The following NUDT7 variants were observed in gnomAD, a reference collection of about 807,000 sequenced individuals.
The protein encoded by NUDT7 is nudix hydrolase 7.
NUDT7 carries 19 observed loss-of-function variants against 13.1 expected under a neutral mutation model. The observed-to-expected ratio is 1.45, with a 90% confidence interval of 1.01 to 2.13. The LOEUF is 2.13. Ranked by LOEUF, NUDT7 falls within the 30% of genes most tolerant of loss-of-function variation. The pLI, the probability that NUDT7 is intolerant of heterozygous loss-of-function variation, is 0.00. For missense variants in NUDT7, 360 were observed against 291.7 expected (o/e 1.23, Z -1.71); for synonymous variants, 132 against 109.7 (o/e 1.20, Z -1.27).
Position 77,742,198 on chromosome 16 carries a change from C to A in NUDT7, c.*248C>A. The A allele has an allele frequency of 9.9e-7, 1 of 1,010,874 alleles. No homozygotes were observed. Among genetic ancestry groups the A allele is most frequent in the Non-Finnish European group, 1.3e-6 (1 of 798,236 alleles). The allele number at this position is 1,010,874 out of a possible 1,614,324, so 62.6% of individuals were successfully genotyped here. ...CAATATGTTAATAATATTTTTCTTA[C>A]ACATATAATAAAGAATATCTGGCAC... On this transcript the variant is annotated 3_prime_UTR_variant, in exon 4 of 4. Transcript: ENST00000268533.
At chr16:77,739,520 G>A (rs975879641) in intron 3 of NUDT7, among the ~76,000 whole-genome samples, 1 of 152,186 alleles carries the variant, frequency 6.6e-6, no homozygotes, top group Non-Finnish European at 1.5e-5. Flanking sequence ...AGGATGACCA[G>A]AGGTTACTTT....
intron 2 of NUDT7, among the ~76,000 whole-genome samples, chr16:77,734,158 A>T (rs1318118428): frequency 6.6e-6 from 1 of 152,130 alleles, no homozygotes; most frequent in African/African-American, 2.4e-5. Context: ...CAGGGCCTAT[A>T]TTTTTTGTGT....
At chr16:77,732,005 T>G (rs746072339) in intron 2 of NUDT7, among the ~76,000 whole-genome samples, 1 of 152,076 alleles carries the variant, frequency 6.6e-6, no homozygotes, top group Non-Finnish European at 1.5e-5. Context: ...TAAGAAGTAA[T>G]AGTAAGCTAC....
intron 2 of NUDT7, among the ~76,000 whole-genome samples, chr16:77,728,331 C>T (rs1415413175): frequency 1.3e-5 from 2 of 152,162 alleles, no homozygotes; most frequent in Non-Finnish European, 2.9e-5. Context: ...CTCTTGGGTT[C>T]AAGCAATTCT....
At chr16:77,727,809 A>G (rs922522137) in intron 2 of NUDT7, among the ~76,000 whole-genome samples, 4 of 152,282 alleles carry the variant, frequency 2.6e-5, no homozygotes, top group East Asian at 1.9e-4. Flanking sequence ...TTGAGCCGAG[A>G]TCGTGCCACT....
intron 2 of NUDT7, among the ~76,000 whole-genome samples, chr16:77,730,265 A>G (rs1172219937): frequency 1.3e-5 from 2 of 152,078 alleles, no homozygotes; most frequent in Non-Finnish European, 1.5e-5. Context: ...CTTTTGACCA[A>G]CATCTCCCCA....
intron 3 of NUDT7, 98 bp downstream of exon 3, chr16:77,736,084 TAC>T (rs1307509154): frequency 8.8e-7 from 1 of 1,135,602 alleles, no homozygotes; most frequent in Non-Finnish European, 1.3e-6. Context: ...CCCCAAAGAG[TAC>T]TGTACATAAA....
At chr16:77,730,575 T>C (rs1185665335) in intron 2 of NUDT7, among the ~76,000 whole-genome samples, 1 of 152,212 alleles carries the variant, frequency 6.6e-6, no homozygotes, top group Admixed American at 6.5e-5. Flanking sequence ...TAAACATGGG[T>C]GTGCAGAGAC....
At chr16:77,736,037 T>C (rs781270967) in intron 3 of NUDT7, 51 bp downstream of exon 3, 2 of 1,526,672 alleles carry the variant, frequency 1.3e-6, no homozygotes, top group African/African-American at 2.7e-5. Context: ...CCCAGGTGGA[T>C]CTACTGTTCT....
intron 2 of NUDT7, chr16:77,735,416 CT>C: frequency 1.6e-6 from 1 of 627,776 alleles, no homozygotes. Flanking sequence ...CTTGCTCCTC[CT>C]TTACCTTCCG....
rs766223260 is a variant in NUDT7 at position 77,722,565 on chromosome 16, C to CA, written c.-15dup. ...CAGCTCCGAGGAGTCCGCCCGGAAA[C>CA]AAACATTCCCCAGGGCAATGTCACG... On this transcript the variant is annotated 5_prime_UTR_variant, in exon 1 of 4. Transcript: ENST00000268533. 15 of 1,582,514 alleles carry CA rather than the reference C, an allele frequency of 9.5e-6. No homozygotes were observed. Among genetic ancestry groups the CA allele is most frequent in the Non-Finnish European group, 1.3e-5 (15 of 1,163,546 alleles).
chr16:77,732,766 C>T (rs773886280), intron 2 of NUDT7, among the ~76,000 whole-genome samples: 87 of 152,246 alleles, frequency 5.7e-4, no homozygotes, highest in Non-Finnish European at 8.8e-4. Flanking sequence ...TTTTTCAGAA[C>T]GTGTCCCTGT....
chr16:77,725,320 A>T (rs2014095733), intron 1 of NUDT7, 111 bp from the exon 2 acceptor site: 5 of 922,332 alleles, frequency 5.4e-6, no homozygotes, highest in Non-Finnish European at 8.1e-6. Context: ...ACAGAGAGTC[A>T]GAAATGGCAA....
chr16:77,728,130 G>A (rs776815469), intron 2 of NUDT7, among the ~76,000 whole-genome samples: 5 of 152,074 alleles, frequency 3.3e-5, no homozygotes, highest in Non-Finnish European at 7.4e-5. Flanking sequence ...ACACAAGCAG[G>A]GCGCTGGTAG....
intron 2 of NUDT7, 41 bp downstream of exon 2, chr16:77,725,625 A>G (rs780075290): frequency 3.2e-6 from 5 of 1,584,990 alleles, no homozygotes; most frequent in Admixed American, 1.8e-5. Context: ...ACCTCAGGAC[A>G]TCAGAAGACC....
At chr16:77,728,244 T>A (rs2014202837) in intron 2 of NUDT7, among the ~76,000 whole-genome samples, 1 of 151,998 alleles carries the variant, frequency 6.6e-6, no homozygotes, top group Non-Finnish European at 1.5e-5. Flanking sequence ...AAGTTTTTCT[T>A]TTTTTTCAGA....
In NUDT7 at chr16:77,741,813, A is replaced by C; in HGVS notation, c.580A>C (p.Asn194His). The change falls in exon 4 of 4, where the codon AAC becomes CAC. Residue 194 changes from asparagine to histidine, a missense_variant. Physicochemically the swap from Asn to His is moderately conservative, Grantham distance 68 (BLOSUM62 1). Coordinates refer to ENST00000268533, the MANE Select transcript of NUDT7 (RefSeq NM_001105663.3). ...TTACCAGATCAAGGGAATGACGGCA[A>C]ACCTTGCAGTGTTGGTGGCCTTTAT... ...VTYQIKGMTA[N>H]LAVLVAFIIL... 6.2e-7 allele frequency: 1 copy of C among 1,614,196 alleles called. No homozygotes were observed. The highest frequency in any genetic ancestry group is 8.5e-7 in the Non-Finnish European group (1 of 1,180,034).
chr16:77,727,399 G>A (rs1052554495), intron 2 of NUDT7, among the ~76,000 whole-genome samples: 1 of 134,282 alleles, frequency 7.4e-6, no homozygotes, highest in African/African-American at 3.4e-5. Flanking sequence ...GTAGACTTGT[G>A]TGGATTGTGT....
At chr16:77,734,522 CTGAGGCAGG>C (rs1404581956) in intron 2 of NUDT7, among the ~76,000 whole-genome samples, 8 of 152,248 alleles carry the variant, frequency 5.3e-5, no homozygotes, top group African/African-American at 1.9e-4. Flanking sequence ...ACTCAGGAAG[CTGAGGCAGG>C]AGAATGGTGT....
Sources: allele counts gnomAD v4.1 joint callset (sites outside exome capture counted in the v4.1 genomes callset), GRCh38; gene constraint gnomAD v4.1.1; transcripts MANE v1.5; gene names NCBI Gene and HGNC (gene_info 2026-07-23, HGNC 2026-07-21).